Variants in MAD1L1 observed in about 807,000 individuals in gnomAD.
MAD1L1 encodes mitotic spindle assembly checkpoint protein MAD1.
A neutral mutation model predicts 96.9 loss-of-function variants in MAD1L1; 95 were observed. The ratio of observed to expected loss-of-function variants is 0.98; its 90% CI spans 0.83 to 1.16. The LOEUF (loss-of-function observed/expected upper bound fraction) is 1.16. Ranked by LOEUF, MAD1L1 falls within the 50% of genes most tolerant of loss-of-function variation. The pLI, the probability that MAD1L1 is intolerant of heterozygous loss-of-function variation, is 0.00. For missense variants in MAD1L1, 1,007 were observed against 954.4 expected (o/e 1.06, Z -0.73); for synonymous variants, 473 against 396.6 (o/e 1.19, Z -2.29).
chr7:1,944,027 G>T (rs530662876), intron 16 of MAD1L1, among the ~76,000 whole-genome samples: 1 of 152,296 alleles, frequency 6.6e-6, no homozygotes, highest in South Asian at 2.1e-4. Flanking sequence ...TTGAACAAGG[G>T]AAGTGAGAAA....
At chr7:2,206,988 G>A (rs1490922432) in intron 10 of MAD1L1, among the ~76,000 whole-genome samples, 1 of 149,628 alleles carries the variant, frequency 6.7e-6, no homozygotes, top group Non-Finnish European at 1.5e-5. Flanking sequence ...GGCTGAGGCA[G>A]AATTGCTTGA....
chr7:2,230,426 G>A (rs1377849489), intron 2 of MAD1L1, 123 bp downstream of exon 2: 4 of 346,312 alleles, frequency 1.2e-5, no homozygotes, highest in Non-Finnish European at 1.7e-5. Context: ...CCCGGGAGGC[G>A]GGGCTCAGCA....
chr7:2,077,911 G>C (rs1366250002), intron 11 of MAD1L1, among the ~76,000 whole-genome samples: 3 of 152,232 alleles, frequency 2.0e-5, no homozygotes. Flanking sequence ...CCTCGCAGCA[G>C]CCTGGATCTA....
At chr7:2,046,119 A>C (rs1298092787) in intron 12 of MAD1L1, among the ~76,000 whole-genome samples, 1 of 152,106 alleles carries the variant, frequency 6.6e-6, no homozygotes, top group African/African-American at 2.4e-5. Flanking sequence ...CGAGCCCTGC[A>C]ATCAGTGCCT....
intron 18 of MAD1L1, chr7:1,874,451 T>A: frequency 4.5e-6 from 2 of 444,214 alleles, no homozygotes; most frequent in African/African-American, 2.0e-5. Flanking sequence ...GTGGCCAGGG[T>A]GAGGCTCTGG....
At chr7:2,166,980 T>C (rs1251132839) in intron 10 of MAD1L1, among the ~76,000 whole-genome samples, 1 of 152,202 alleles carries the variant, frequency 6.6e-6, no homozygotes, top group African/African-American at 2.4e-5. Context: ...TCTGCCTAAC[T>C]GGTGGAATCC....
intron 17 of MAD1L1, among the ~76,000 whole-genome samples, chr7:1,930,654 G>A (rs944295908): frequency 2.7e-5 from 4 of 149,478 alleles, no homozygotes; most frequent in African/African-American, 9.9e-5. Flanking sequence ...CTTGTTCCTT[G>A]GGGGCCCTGA....
chr7:2,077,937 A>T (rs1785456819), intron 11 of MAD1L1, among the ~76,000 whole-genome samples: 1 of 152,204 alleles, frequency 6.6e-6, no homozygotes, highest in Non-Finnish European at 1.5e-5. Context: ...AAAATTTTAA[A>T]TGGAGCACGA....
chr7:2,150,359 C>G (rs558366842), intron 10 of MAD1L1, among the ~76,000 whole-genome samples: 2 of 152,290 alleles, frequency 1.3e-5, no homozygotes, highest in African/African-American at 4.8e-5. Context: ...AAAACGCGCA[C>G]GCTGCAAACC....
chr7:1,895,807 G>T (rs1374013587), intron 18 of MAD1L1, among the ~76,000 whole-genome samples: 1 of 152,248 alleles, frequency 6.6e-6, no homozygotes, highest in South Asian at 2.1e-4. Context: ...GACCTGCAAA[G>T]TCACATTCAC....
chr7:1,897,499 C>CGG (rs1424187849), intron 18 of MAD1L1, among the ~76,000 whole-genome samples: 1 of 152,212 alleles, frequency 6.6e-6, no homozygotes, highest in Non-Finnish European at 1.5e-5. Context: ...GTTAGCTCAC[C>CGG]GGGGCAGTGA....
intron 18 of MAD1L1, among the ~76,000 whole-genome samples, chr7:1,884,461 G>A (rs1785885790): frequency 1.3e-5 from 2 of 152,230 alleles, no homozygotes; most frequent in South Asian, 2.1e-4. Context: ...GAGGAGCAAC[G>A]TTGGGTCAGG....
At chr7:2,211,085 C>T (rs1205580130) in intron 10 of MAD1L1, among the ~76,000 whole-genome samples, 1 of 152,202 alleles carries the variant, frequency 6.6e-6, no homozygotes, top group East Asian at 1.9e-4. Flanking sequence ...CTGTGTTCCT[C>T]ATCAAAGCTG....
chr7:2,018,060 G>C (rs1782622607), intron 12 of MAD1L1, among the ~76,000 whole-genome samples: 1 of 152,138 alleles, frequency 6.6e-6, no homozygotes, highest in Non-Finnish European at 1.5e-5. Context: ...AGGCAGGGGA[G>C]ATATGGACGG....
At chr7:2,083,166 A>G (rs1445268937) in intron 11 of MAD1L1, among the ~76,000 whole-genome samples, 3 of 152,252 alleles carry the variant, frequency 2.0e-5, no homozygotes, top group Non-Finnish European at 2.9e-5. Flanking sequence ...ACAAAACTTT[A>G]AGGAGAAAAT....
intron 11 of MAD1L1, among the ~76,000 whole-genome samples, chr7:2,106,455 C>A (rs565175021): frequency 6.6e-6 from 1 of 152,064 alleles, no homozygotes; most frequent in Non-Finnish European, 1.5e-5. Flanking sequence ...TTCCCACATG[C>A]GCTCCTGGAA....
At chr7:2,197,951 C>A (rs897812938) in intron 10 of MAD1L1, among the ~76,000 whole-genome samples, 2 of 152,194 alleles carry the variant, frequency 1.3e-5, no homozygotes, top group African/African-American at 2.4e-5. Context: ...CTGACCCCAT[C>A]TCCCTGCACC....
intron 17 of MAD1L1, among the ~76,000 whole-genome samples, chr7:1,920,899 T>C (rs796793559): frequency 6.7e-6 from 1 of 148,434 alleles, no homozygotes; most frequent in African/African-American, 2.6e-5. Context: ...ATAAAAAAGA[T>C]TCACGGGACA....
intron 10 of MAD1L1, among the ~76,000 whole-genome samples, chr7:2,175,683 G>A (rs1320181442): frequency 6.6e-6 from 1 of 152,112 alleles, no homozygotes; most frequent in African/African-American, 2.4e-5. Context: ...TTGAATGACT[G>A]CCAAAGTAGG....
Sources: allele counts gnomAD v4.1 joint callset (sites outside exome capture counted in the v4.1 genomes callset), GRCh38; gene constraint gnomAD v4.1.1; transcripts MANE v1.5; gene names NCBI Gene and HGNC (gene_info 2026-07-23, HGNC 2026-07-21).